RPS6KA3: variants seen among roughly 807,000 people sequenced by gnomAD.
The protein encoded by RPS6KA3 is ribosomal protein S6 kinase A3.
RPS6KA3 carries 4 observed loss-of-function variants against 67.2 expected under a neutral mutation model. That is an observed-to-expected ratio of 0.06 (90% CI 0.03 to 0.14). RPS6KA3 has a LOEUF of 0.14. Among genes scored for constraint, RPS6KA3 ranks in the 10% least tolerant of loss-of-function variants. The pLI is 1.00. For missense variants in RPS6KA3, 204 were observed against 559.0 expected, an observed-to-expected ratio of 0.36 and a Z score of 6.40; for synonymous variants, 182 against 183.7, an observed-to-expected ratio of 0.99 and a Z score of 0.07.
intron 3 of RPS6KA3, among the ~76,000 whole-genome samples, chrX:20,208,898 T>A (rs1272680198): frequency 9.0e-6 from 1 of 111,624 alleles, no homozygotes; most frequent in Admixed American, 9.5e-5. Context: ...TCACTCACTT[T>A]ATGCTGGTAT....
At chrX:20,162,071 C>T (rs2067315603) in intron 19 of RPS6KA3, among the ~76,000 whole-genome samples, 1 of 109,947 alleles carries the variant, frequency 9.1e-6, no homozygotes, top group African/African-American at 3.3e-5. Context: ...GGCACGGTGG[C>T]TCATGCCTGT....
At chrX:20,229,068 C>A (rs1379715071) in intron 2 of RPS6KA3, among the ~76,000 whole-genome samples, 1 of 110,537 alleles carries the variant, frequency 9.0e-6, no homozygotes, top group Non-Finnish European at 1.9e-5. Flanking sequence ...GACTAAGCTA[C>A]TATAAGAAAA....
intron 16 of RPS6KA3, among the ~76,000 whole-genome samples, chrX:20,168,428 C>A (rs993069493): frequency 1.2e-4 from 13 of 111,833 alleles, no homozygotes; most frequent in Admixed American, 1.1e-3. Flanking sequence ...AAGAAATTTA[C>A]ATACTAGAAC....
chrX:20,199,855 G>A (rs1266689791), intron 4 of RPS6KA3, among the ~76,000 whole-genome samples: 1 of 112,164 alleles, frequency 8.9e-6, no homozygotes, highest in Non-Finnish European at 1.9e-5. Context: ...GAAGACAATG[G>A]AAGCAATACC....
At chrX:20,165,117 T>C (rs766196070) in intron 17 of RPS6KA3, 57 bp from the exon 18 acceptor site, 2 of 956,551 alleles carry the variant, frequency 2.1e-6, no homozygotes, top group East Asian at 6.1e-5. Context: ...TTACTGAAAG[T>C]TCTTTATTCA....
At chrX:20,243,993 T>A (rs963928554) in intron 1 of RPS6KA3, among the ~76,000 whole-genome samples, 3 of 111,325 alleles carry the variant, frequency 2.7e-5, no homozygotes, top group Admixed American at 9.6e-5. Context: ...CAAGAACAGA[T>A]GCCTTGGAGA....
At chrX:20,211,901 T>A (rs1414461082) in intron 2 of RPS6KA3, among the ~76,000 whole-genome samples, 2 of 112,387 alleles carry the variant, frequency 1.8e-5, no homozygotes, top group African/African-American at 6.5e-5. Context: ...ATATATTTTT[T>A]ACATTTTTCT....
At chrX:20,241,957 T>C (rs1187777442) in intron 1 of RPS6KA3, among the ~76,000 whole-genome samples, 3 of 111,486 alleles carry the variant, frequency 2.7e-5, no homozygotes, top group African/African-American at 9.8e-5. Flanking sequence ...CAAAGGTACA[T>C]CCTAGACCAT....
chrX:20,200,710 G>A (rs2068407179), intron 4 of RPS6KA3, among the ~76,000 whole-genome samples: 1 of 110,380 alleles, frequency 9.1e-6, no homozygotes, highest in South Asian at 3.8e-4. Flanking sequence ...ATTTTTTTTA[G>A]GGACAGATCT....
intron 1 of RPS6KA3, among the ~76,000 whole-genome samples, chrX:20,258,159 T>C (rs185799268): frequency 8.9e-6 from 1 of 111,940 alleles, no homozygotes; most frequent in African/African-American, 3.2e-5. Context: ...CTGTTCAACA[T>C]GGTAGCCAAT....
rs2067132747 is a variant in RPS6KA3, at chrX:20,153,229, GA to G, written c.*2168del. 9.0e-6 allele frequency: 1 copy of G among 111,560 alleles called. No homozygotes were observed. Among genetic ancestry groups the G allele is most frequent in the Admixed American group, 9.5e-5 (1 of 10,491 alleles). The allele number at this position is 111,560 out of a possible 1,213,427, so 9.2% of individuals were successfully genotyped here. ...AGTTTGAAACACTGAATAGAGGAGG[GA>G]AAAAAGCTCTCTTTCCAGGCAATGG... On this transcript the variant is annotated 3_prime_UTR_variant, in exon 22 of 22. Coordinates refer to ENST00000379565, the MANE Select transcript of RPS6KA3 (RefSeq NM_004586.3).
At chrX:20,230,796 C>T (rs1017066428) in intron 2 of RPS6KA3, among the ~76,000 whole-genome samples, 2 of 110,994 alleles carry the variant, frequency 1.8e-5, no homozygotes, top group Non-Finnish European at 3.8e-5. Flanking sequence ...TCCTAAGATG[C>T]TAAAAAACAG....
chrX:20,255,045 C>A, intron 1 of RPS6KA3, among the ~76,000 whole-genome samples: 1 of 112,515 alleles, frequency 8.9e-6, no homozygotes, highest in South Asian at 3.7e-4. Context: ...ATGTTCACAG[C>A]AGCATTATTC....
intron 2 of RPS6KA3, among the ~76,000 whole-genome samples, chrX:20,218,028 GA>G (rs918213519): frequency 8.9e-6 from 1 of 111,810 alleles, no homozygotes; most frequent in African/African-American, 3.2e-5. Context: ...CTATGTTTGA[GA>G]AAACAGCAAG....
chrX:20,186,590 T>A (rs1235046536), intron 9 of RPS6KA3, among the ~76,000 whole-genome samples: 1 of 108,667 alleles, frequency 9.2e-6, no homozygotes, highest in African/African-American at 3.4e-5. Context: ...ATCAATCACA[T>A]TTTTATTTTA....
chrX:20,207,003 G>T lies in RPS6KA3; in HGVS notation c.243+2285C>A, dbSNP rs189272821. Among the ~76,000 whole-genome samples the T allele has an allele frequency of 4.5e-5, 5 of 112,117 alleles. No homozygotes were observed. The East Asian group carries it at 1.4e-3, about 31-fold the overall frequency. On this transcript the variant is annotated intron_variant, in intron 3 of 21. Coordinates refer to ENST00000379565, the MANE Select transcript of RPS6KA3 (RefSeq NM_004586.3). ...CTGAGAGGCTCCTCAGCCATCTTAA[G>T]AATTCATCTTTATCGTAAAAGCAAA...
At chrX:20,224,049 C>T (rs1371350479) in intron 2 of RPS6KA3, among the ~76,000 whole-genome samples, 1 of 111,641 alleles carries the variant, frequency 9.0e-6, no homozygotes, top group African/African-American at 3.3e-5. Context: ...ATTCTAGGCA[C>T]TGTGCTTTAC....
At chrX:20,237,636 G>A (rs1400130371) in intron 1 of RPS6KA3, among the ~76,000 whole-genome samples, 1 of 111,157 alleles carries the variant, frequency 9.0e-6, no homozygotes, top group Non-Finnish European at 1.9e-5. Context: ...ATTATTACCA[G>A]GCTCAAAAAT....
intron 1 of RPS6KA3, chrX:20,266,193 G>T (rs902384525): frequency 3.9e-5 from 6 of 154,268 alleles, no homozygotes; most frequent in Middle Eastern, 2.6e-3. Context: ...AAGTCGCCAA[G>T]GTCCGGGAAA....
Sources: allele counts gnomAD v4.1 joint callset (sites outside exome capture counted in the v4.1 genomes callset), GRCh38; gene constraint gnomAD v4.1.1; transcripts MANE v1.5; gene names NCBI Gene and HGNC (gene_info 2026-07-23, HGNC 2026-07-21).